Variants in SLC25A14 observed in about 807,000 individuals in gnomAD.
SLC25A14 encodes the protein solute carrier family 25 member 14, also known as brain mitochondrial carrier protein 1.
Under a neutral mutation model 28.1 loss-of-function variants are expected in SLC25A14, and 8 were observed. The ratio of observed to expected loss-of-function variants is 0.28; its 90% confidence interval spans 0.17 to 0.51. The LOEUF is 0.51. Among genes scored for constraint, SLC25A14 ranks in the 20% least tolerant of loss-of-function variants. The pLI is 0.97. For missense variants in SLC25A14, 135 were observed against 263.8 expected, an observed-to-expected ratio of 0.51 and a Z score of 3.38; for synonymous variants, 74 against 90.6, an observed-to-expected ratio of 0.82 and a Z score of 1.04.
intron 9 of SLC25A14, among the ~76,000 whole-genome samples, chrX:130,368,049 G>T (rs1200699281): frequency 8.9e-6 from 1 of 112,601 alleles, no homozygotes; most frequent in Non-Finnish European, 1.9e-5. Context: ...AAAGTATTGG[G>T]ATTACAGGCG....
chrX:130,372,748 C>T (rs2034296559), intron 10 of SLC25A14, among the ~76,000 whole-genome samples, 161 bp from the exon 11 acceptor site: 1 of 111,400 alleles, frequency 9.0e-6, no homozygotes, highest in African/African-American at 3.3e-5. Flanking sequence ...AGGCGTGAGC[C>T]ACCGCGCCCG....
intron 9 of SLC25A14, among the ~76,000 whole-genome samples, chrX:130,371,243 G>A (rs1205165301): frequency 9.0e-6 from 1 of 111,729 alleles, no homozygotes; most frequent in Non-Finnish European, 1.9e-5. Context: ...ATACTATGGG[G>A]TGGAGGCTAC....
intron 7 of SLC25A14, among the ~76,000 whole-genome samples, chrX:130,360,722 G>A (rs1269102531): frequency 1.8e-5 from 2 of 111,994 alleles, no homozygotes; most frequent in South Asian, 3.7e-4. Flanking sequence ...AACAAAAACA[G>A]AGGAATAAAT....
chrX:130,344,725 G>T (rs2033375134), intron 2 of SLC25A14, among the ~76,000 whole-genome samples: 1 of 111,861 alleles, frequency 8.9e-6, no homozygotes, highest in Admixed American at 9.5e-5. Flanking sequence ...CTAAGAATAT[G>T]AGAGAGTAGT....
intron 6 of SLC25A14, among the ~76,000 whole-genome samples, chrX:130,358,162 C>T (rs1219376032): frequency 9.0e-6 from 1 of 111,340 alleles, no homozygotes; most frequent in Non-Finnish European, 1.9e-5. Context: ...AATTTTTTTT[C>T]TGGTTAGCAA....
intron 10 of SLC25A14, among the ~76,000 whole-genome samples, chrX:130,372,460 TTTATTTTTA>T (rs2034286445): frequency 1.2e-5 from 1 of 83,554 alleles, no homozygotes; most frequent in African/African-American, 3.9e-5. Context: ...TATTTATTTA[TTTATTTTTA>T]TTTTTTTTTT....
At chrX:130,343,499 G>A (rs988785537) in intron 2 of SLC25A14, among the ~76,000 whole-genome samples, 6 of 111,816 alleles carry the variant, frequency 5.4e-5, no homozygotes, top group African/African-American at 1.9e-4. Flanking sequence ...CTCTATATGT[G>A]CTATGCTTGA....
rs184336077 is a variant in SLC25A14 at position 130,351,663 on chromosome X, G to A, written c.498+932G>A. 9.2e-3 allele frequency among the ~76,000 whole-genome samples: 1,032 copies of A among 111,739 alleles called. 12 individuals carry two copies. Among genetic ancestry groups the A allele is most frequent in the African/African-American group, 0.032 (989 of 30,828 alleles). ...TAACAAATTATTTTAAGGGGATTGC[G>A]AGAAAAAAGTAAGAGGACACATGCT... On this transcript the variant is annotated intron_variant, in intron 6 of 10. Coordinates refer to ENST00000545805, the MANE Select transcript of SLC25A14 (RefSeq NM_001282195.2).
chrX:130,345,388 A>G, intron 3 of SLC25A14, 113 bp downstream of exon 3: 1 of 488,954 alleles, frequency 2.0e-6, no homozygotes, highest in South Asian at 3.6e-5. Flanking sequence ...CTTATTTTGA[A>G]AATTGTCTCA....
chrX:130,371,462 C>G, intron 9 of SLC25A14, 102 bp from the exon 10 acceptor site: 2 of 534,283 alleles, frequency 3.7e-6, no homozygotes, highest in South Asian at 2.9e-5. Flanking sequence ...AGAGAAAAGA[C>G]TATTCATGGA....
chrX:130,364,940 G>A, intron 8 of SLC25A14, 188 bp downstream of exon 8: 1 of 978,413 alleles, frequency 1.0e-6, no homozygotes. Flanking sequence ...TGCTATGGGG[G>A]CTTGGGTACT....
At chrX:130,365,813 C>T in intron 9 of SLC25A14, 137 bp downstream of exon 9, 1 of 476,077 alleles carries the variant, frequency 2.1e-6, no homozygotes, top group Non-Finnish European at 3.6e-6. Flanking sequence ...CTCAGTTATT[C>T]CCAGGTAGAA....
intron 5 of SLC25A14, chrX:130,349,875 A>G (rs2033570096): frequency 8.9e-6 from 1 of 111,925 alleles, no homozygotes; most frequent in African/African-American, 3.2e-5. Context: ...TCGGTTAGTA[A>G]TGTCCTTTGA....
At chrX:130,352,545 T>C (rs1424158793) in intron 6 of SLC25A14, among the ~76,000 whole-genome samples, 2 of 112,565 alleles carry the variant, frequency 1.8e-5, no homozygotes, top group African/African-American at 6.4e-5. Context: ...CAATGGTGTC[T>C]AAGCATTCCC....
In SLC25A14 at chrX:130,371,656, G is replaced by A; in HGVS notation, c.936+12G>A. 2 of 1,141,526 alleles carry A rather than the reference G, an allele frequency of 1.8e-6. No homozygotes were observed. Among genetic ancestry groups the A allele is most frequent in the Non-Finnish European group, 2.4e-6 (2 of 832,817 alleles). 94.1% of individuals were successfully genotyped at this position (1,141,526 alleles called of 1,213,427 possible). On this transcript the variant is annotated intron_variant, in intron 10 of 10. Transcript: ENST00000545805. ...CCTGGAACATCATTGTATCCTTTGAGAGAATGAAAGCAAGTGCTTCAAGCT... is the reference window on the plus strand; with the variant it reads ...CCTGGAACATCATTGTATCCTTTGAAAGAATGAAAGCAAGTGCTTCAAGCT...
chrX:130,372,776 T>C (rs1035493670), intron 10 of SLC25A14, 133 bp from the exon 11 acceptor site: 1 of 536,383 alleles, frequency 1.9e-6, no homozygotes, highest in African/African-American at 2.4e-5. Flanking sequence ...GGTGGTGTTT[T>C]AGAAAAGATT....
At chrX:130,344,335 G>GA (rs2033358098) in intron 2 of SLC25A14, among the ~76,000 whole-genome samples, 1 of 111,240 alleles carries the variant, frequency 9.0e-6, no homozygotes, top group Admixed American at 9.6e-5. Context: ...CAGAGCTCTG[G>GA]AAAAAATAAA....
Position 130,346,638 on chromosome X carries a change from C to T in SLC25A14, c.264C>T (p.Phe88=). Residue 88 remains phenylalanine (F), a synonymous_variant, in exon 4 of 11, where the codon TTC becomes TTT. Transcript: ENST00000545805. ...AAGAGATAAAATATAGAGGGATGTT[C>T]CATGCGCTGTTTCGCATCTGTAAAG... ...RFKEIKYRGM[F]HALFRICKEE... is the part of the protein sequence containing the mutation. 2 of 1,208,122 alleles carry T rather than the reference C, an allele frequency of 1.7e-6. No homozygotes were observed. Among genetic ancestry groups the T allele is most frequent in the Non-Finnish European group, 2.2e-6 (2 of 892,288 alleles).
intron 6 of SLC25A14, among the ~76,000 whole-genome samples, chrX:130,357,290 C>T (rs898020936): frequency 8.9e-6 from 1 of 112,215 alleles, no homozygotes; most frequent in South Asian, 3.7e-4. Context: ...TACCCTAATC[C>T]TGGCCCTGTT....
Sources: allele counts gnomAD v4.1 joint callset (sites outside exome capture counted in the v4.1 genomes callset), GRCh38; gene constraint gnomAD v4.1.1; transcripts MANE v1.5; gene names NCBI Gene and HGNC (gene_info 2026-07-23, HGNC 2026-07-21).